The following TAF1 variants were observed in gnomAD, a reference collection of about 807,000 sequenced individuals.
TAF1 encodes TATA-box binding protein associated factor 1.
TAF1 carries 2 observed loss-of-function variants against 138.5 expected under a neutral mutation model. The ratio of observed to expected loss-of-function variants is 0.01; its 90% CI spans 0.01 to 0.05. The LOEUF is 0.05. Among genes scored for constraint, TAF1 ranks in the 10% least tolerant of loss-of-function variants. The pLI is 1.00. For synonymous variants in TAF1, 437 were observed against 503.2 expected (o/e 0.87, Z 1.76); for missense variants, 709 against 1,478.0 (o/e 0.48, Z 8.53).
intron 28 of TAF1, among the ~76,000 whole-genome samples, chrX:71,419,775 G>A (rs1010917299): frequency 2.7e-5 from 3 of 111,025 alleles, no homozygotes; most frequent in African/African-American, 9.8e-5. Flanking sequence ...GCAGCCCCCA[G>A]GGGGGTGAAA....
rs747690985 is a variant in TAF1, at chrX:71,398,752, G to A, written c.3786+15G>A. ...CTGACCTAAAAGTAAGTATAATGTG[G>A]TGTGATTACAGCTAACGGAGCAAAG... On this transcript the variant is annotated intron_variant, in intron 24 of 37. Coordinates refer to ENST00000423759, the MANE Select transcript of TAF1 (RefSeq NM_004606.5). 3.6e-5 allele frequency: 42 copies of A among 1,182,100 alleles called. No individual in the cohort carries two copies. The Admixed American group carries it at 9.7e-4, about 27-fold the overall frequency.
At chrX:71,490,067 C>A (rs1282712143) in intron 13 of TAF1, among the ~76,000 whole-genome samples, 1 of 111,370 alleles carries the variant, frequency 9.0e-6, no homozygotes, top group African/African-American at 3.3e-5. Flanking sequence ...TCCACTTTCC[C>A]CTCCTACTTG....
At chrX:71,526,693 A>G (rs1230079001) in intron 13 of TAF1, among the ~76,000 whole-genome samples, 2 of 111,613 alleles carry the variant, frequency 1.8e-5, no homozygotes, top group Non-Finnish European at 3.8e-5. Context: ...TACAAGGTAT[A>G]TGTAAATTCT....
chrX:71,373,759 A>G (rs1271200460), intron 3 of TAF1, among the ~76,000 whole-genome samples: 8 of 111,287 alleles, frequency 7.2e-5, no homozygotes, highest in African/African-American at 2.6e-4. Context: ...TTCTTGAGAG[A>G]GGGAATAGGG....
At chrX:71,401,825 G>A in intron 25 of TAF1, 86 bp downstream of exon 25, 2 of 877,831 alleles carry the variant, frequency 2.3e-6, no homozygotes, top group East Asian at 3.1e-5. Context: ...GATGTGATGT[G>A]TTCTCTGAAG....
Position 71,378,533 on chromosome X carries a change from G to A in TAF1, c.1152+80G>A. ...TTACTAACTTTACTCTTTAATTGGG[G>A]AGATACTGGGTGGTAGGGTTTCTTT... On this transcript the variant is annotated intron_variant, in intron 7 of 37. Coordinates refer to ENST00000423759, the MANE Select transcript of TAF1 (RefSeq NM_004606.5). The A allele has an allele frequency of 3.6e-6, 4 of 1,097,048 alleles. No homozygotes were observed. The Admixed American group carries it at 9.5e-5, about 26-fold the overall frequency. 90.4% of individuals were successfully genotyped at this position (1,097,048 alleles called of 1,213,427 possible).
At chrX:71,391,891 T>C (rs903118329) in intron 18 of TAF1, among the ~76,000 whole-genome samples, 3 of 110,084 alleles carry the variant, frequency 2.7e-5, no homozygotes, top group African/African-American at 6.6e-5. Context: ...CCTCCCAGAG[T>C]GTTGGGATTA....
At chrX:71,420,942 C>T (rs949271774) in intron 28 of TAF1, among the ~76,000 whole-genome samples, 14 of 112,847 alleles carry the variant, frequency 1.2e-4, no homozygotes, top group African/African-American at 2.9e-4. Flanking sequence ...CGCCCTGACC[C>T]GGAGGCCTGA....
Position 71,526,620 on chromosome X carries a change from A to T in TAF1, c.1367-1922A>T, listed in dbSNP as rs547125313. Among the ~76,000 whole-genome samples, 118 of 112,147 alleles carry T rather than the reference A, an allele frequency of 1.1e-3. 5 individuals carry two copies. The South Asian group carries it at 0.041, about 39-fold the overall frequency. On this transcript the variant is annotated intron_variant and NMD_transcript_variant, in intron 13 of 14. Transcript: ENST00000373775. Reference sequence around the variant, plus strand: ...GCAGATCTGTGTTCTATTGTCTAAGATTATATCAATGCATAATTCTAAATC... The same window carrying T: ...GCAGATCTGTGTTCTATTGTCTAAGTTTATATCAATGCATAATTCTAAATC...
chrX:71,406,566 A>T (rs879190831), intron 25 of TAF1, 72 bp from the exon 26 acceptor site: 1 of 1,055,268 alleles, frequency 9.5e-7, no homozygotes, highest in Non-Finnish European at 1.3e-6. Context: ...CTTTTTTTTA[A>T]TTATAGTTGC....
chrX:71,528,348 C>A lies in TAF1; in HGVS notation c.1367-194C>A, dbSNP rs912462796. On this transcript the variant is annotated intron_variant and NMD_transcript_variant, in intron 13 of 14. Transcript: ENST00000373775. ...ACTACTTTGGACAGAATCATCAACTCTTGCAACCCCAGGAGGACAGTCAGG... is the reference window on the plus strand; with the variant it reads ...ACTACTTTGGACAGAATCATCAACTATTGCAACCCCAGGAGGACAGTCAGG... 4 of 263,606 alleles carry A rather than the reference C, an allele frequency of 1.5e-5. No individual in the cohort carries two copies. In the East Asian group the frequency reaches 4.0e-4, roughly 26 times the overall value. 21.7% of individuals were successfully genotyped at this position (263,606 alleles called of 1,213,427 possible). A position where few individuals can be genotyped will look rare whatever the true frequency, so the allele number is the denominator to read the frequency against.
intron 24 of TAF1, among the ~76,000 whole-genome samples, chrX:71,400,830 T>C (rs976265789): frequency 9.8e-5 from 11 of 112,612 alleles, no homozygotes; most frequent in African/African-American, 3.5e-4. Context: ...ATGTTCCTTT[T>C]TGTATGTGGC....
At chrX:71,384,512 G>A (rs1463808889) in intron 13 of TAF1, among the ~76,000 whole-genome samples, 1 of 110,395 alleles carries the variant, frequency 9.1e-6, no homozygotes, top group African/African-American at 3.3e-5. Context: ...CTGGGTTTGG[G>A]CAATTCTTCT....
At chrX:71,459,155 C>T in intron 35 of TAF1, 3 of 1,068,814 alleles carry the variant, frequency 2.8e-6, no homozygotes, top group Non-Finnish European at 3.7e-6. Flanking sequence ...CTCAGATGCG[C>T]CAGGGCCGAG....
At chrX:71,459,734 C>T (rs2038467728) in intron 36 of TAF1, 26 bp downstream of exon 36, 1 of 1,205,163 alleles carries the variant, frequency 8.3e-7, no homozygotes, top group Non-Finnish European at 1.1e-6. Flanking sequence ...TGCTTCTATT[C>T]CTTTATAACT....
chrX:71,526,885 T>G (rs1276070011), intron 13 of TAF1, among the ~76,000 whole-genome samples: 1 of 98,496 alleles, frequency 1.0e-5, no homozygotes, highest in Non-Finnish European at 2.0e-5. Flanking sequence ...CTGGGCAACA[T>G]AGTGAAACCC....
intron 25 of TAF1, among the ~76,000 whole-genome samples, chrX:71,403,717 C>T (rs1310100854): frequency 1.8e-5 from 2 of 111,140 alleles, no homozygotes; most frequent in Non-Finnish European, 3.8e-5. Flanking sequence ...CTAATTCTAG[C>T]ATTTCTTCAA....
intron 13 of TAF1, among the ~76,000 whole-genome samples, chrX:71,505,875 C>G: frequency 9.0e-6 from 1 of 110,852 alleles, no homozygotes; most frequent in Non-Finnish European, 1.9e-5. Flanking sequence ...ACAGTATTAG[C>G]CAGGCATGGT....
chrX:71,478,901 C>T (rs1195652848), intron 13 of TAF1, among the ~76,000 whole-genome samples: 2 of 112,170 alleles, frequency 1.8e-5, no homozygotes, highest in Non-Finnish European at 3.8e-5. Flanking sequence ...TCCCAAAGTG[C>T]TGGGATTACA....
Sources: gnomAD v4.1 joint callset for allele counts (sites outside exome capture counted in the v4.1 genomes callset) on GRCh38, gnomAD v4.1.1 for gene constraint, MANE v1.5 for transcripts, NCBI Gene and HGNC (gene_info 2026-07-23, HGNC 2026-07-21) for gene names.